Variants in TRDN observed in about 807,000 individuals in gnomAD.
TRDN encodes the protein triadin, also known as triadin in skeletal muscle.
TRDN carries 161 observed loss-of-function variants against 149.7 expected under a neutral mutation model. The observed-to-expected ratio is 1.08, with a 90% CI of 0.95 to 1.23. TRDN has a LOEUF of 1.23. Ranked by LOEUF, TRDN falls within the 50% of genes most tolerant of loss-of-function variation. The pLI is 0.00. For synonymous variants in TRDN, 294 were observed against 250.5 expected (o/e 1.17, Z -1.64); for missense variants, 896 against 823.5 (o/e 1.09, Z -1.08).
intron 37 of TRDN, among the ~76,000 whole-genome samples, chr6:123,252,914 T>C (rs920065007): frequency 1.4e-4 from 21 of 152,162 alleles, no homozygotes; most frequent in Admixed American, 1.4e-3. Context: ...AAGATCTTTG[T>C]TAAATTAAGA....
chr6:123,262,687 G>A (rs1367033602), intron 33 of TRDN, among the ~76,000 whole-genome samples: 1 of 151,944 alleles, frequency 6.6e-6, no homozygotes, highest in South Asian at 2.1e-4. Context: ...TTTTCCAATG[G>A]CGTTTGCTTC....
At chr6:123,386,954 GC>G (rs1031352844) in intron 14 of TRDN, among the ~76,000 whole-genome samples, 37 of 152,212 alleles carry the variant, frequency 2.4e-4, no homozygotes, top group African/African-American at 7.5e-4. Flanking sequence ...TCATGACCTT[GC>G]CTTGATGTAC....
intron 20 of TRDN, among the ~76,000 whole-genome samples, chr6:123,365,135 G>A (rs2114354082): frequency 6.6e-6 from 1 of 152,214 alleles, no homozygotes; most frequent in South Asian, 2.1e-4. Context: ...CCTATCTACT[G>A]TAAATTCAGA....
intron 9 of TRDN, among the ~76,000 whole-genome samples, chr6:123,466,943 CTTA>C (rs1286706538): frequency 6.6e-6 from 1 of 151,818 alleles, no homozygotes; most frequent in East Asian, 1.9e-4. Flanking sequence ...TATTGAGGAA[CTTA>C]TTATACTATA....
At chr6:123,585,710 C>T (rs1047689083) in intron 1 of TRDN, among the ~76,000 whole-genome samples, 4 of 152,024 alleles carry the variant, frequency 2.6e-5, no homozygotes, top group Non-Finnish European at 4.4e-5. Context: ...TCCTGGGCTG[C>T]AGGCATTCCT....
At chr6:123,467,467 T>C (rs138170249) in intron 9 of TRDN, among the ~76,000 whole-genome samples, 2 of 152,106 alleles carry the variant, frequency 1.3e-5, no homozygotes, top group East Asian at 3.9e-4. Flanking sequence ...CTAACATGGC[T>C]GATGGCATGG....
chr6:123,292,751 C>A (rs1778054364), intron 24 of TRDN, among the ~76,000 whole-genome samples: 1 of 152,118 alleles, frequency 6.6e-6, no homozygotes, highest in South Asian at 2.1e-4. Context: ...GTCACAGCTA[C>A]AAAAGGGGGA....
At chr6:123,625,735 G>T (rs1450117251) in intron 1 of TRDN, among the ~76,000 whole-genome samples, 1 of 152,040 alleles carries the variant, frequency 6.6e-6, no homozygotes, top group Non-Finnish European at 1.5e-5. Context: ...CACCTACTCT[G>T]AGCCAACAAG....
intron 20 of TRDN, among the ~76,000 whole-genome samples, chr6:123,364,719 G>A (rs1582921900): frequency 6.6e-6 from 1 of 152,112 alleles, no homozygotes; most frequent in African/African-American, 2.4e-5. Context: ...ACATCTTGTT[G>A]CTTTTAGCTT....
At chr6:123,400,264 T>TA (rs2114482089) in intron 12 of TRDN, among the ~76,000 whole-genome samples, 1 of 150,620 alleles carries the variant, frequency 6.6e-6, no homozygotes, top group South Asian at 2.1e-4. Flanking sequence ...CAGTTAAAAT[T>TA]TCAATTTTAA....
At chr6:123,584,980 G>A (rs140030451) in intron 1 of TRDN, among the ~76,000 whole-genome samples, 40 of 152,204 alleles carry the variant, frequency 2.6e-4, no homozygotes, top group African/African-American at 9.6e-4. Flanking sequence ...TGGCCATGCT[G>A]TAGCAGGCAA....
intron 1 of TRDN, among the ~76,000 whole-genome samples, chr6:123,600,308 C>T (rs557354734): frequency 1.3e-5 from 2 of 152,152 alleles, no homozygotes; most frequent in African/African-American, 4.8e-5. Context: ...GCTCTCCCTT[C>T]CCTTAAGCTA....
At chr6:123,423,950 A>G (rs190527536) in intron 12 of TRDN, among the ~76,000 whole-genome samples, 2 of 152,262 alleles carry the variant, frequency 1.3e-5, no homozygotes, top group Admixed American at 6.5e-5. Flanking sequence ...TCATGGGGAA[A>G]GTGACAGGTG....
At chr6:123,256,659 G>T (rs1776573574) in intron 35 of TRDN, among the ~76,000 whole-genome samples, 1 of 151,264 alleles carries the variant, frequency 6.6e-6, no homozygotes, top group East Asian at 1.9e-4. Context: ...TTTTGATGGG[G>T]TTGTGTGTTT....
At chr6:123,364,439 C>A (rs1477899197) in intron 20 of TRDN, among the ~76,000 whole-genome samples, 6 of 152,122 alleles carry the variant, frequency 3.9e-5, no homozygotes, top group Non-Finnish European at 8.8e-5. Context: ...GAGATTGAGA[C>A]CACCCTGGCC....
chr6:123,448,165 G>T (rs1447356418), intron 10 of TRDN, among the ~76,000 whole-genome samples: 2 of 152,116 alleles, frequency 1.3e-5, no homozygotes, highest in African/African-American at 4.8e-5. Context: ...AAGAGCAGGG[G>T]GTAAAACCAC....
intron 9 of TRDN, among the ~76,000 whole-genome samples, chr6:123,469,173 A>G (rs1273894285): frequency 6.6e-6 from 1 of 152,196 alleles, no homozygotes; most frequent in Non-Finnish European, 1.5e-5. Flanking sequence ...CTTTTGTAAG[A>G]TGTGGAATAT....
chr6:123,334,548 C>T (rs1280417430), intron 22 of TRDN, among the ~76,000 whole-genome samples: 1 of 151,944 alleles, frequency 6.6e-6, no homozygotes, highest in African/African-American at 2.4e-5. Context: ...TATCATGGGT[C>T]ACTAACAGGA....
At chr6:123,558,967 T>C (rs1781827201) in intron 2 of TRDN, among the ~76,000 whole-genome samples, 1 of 152,222 alleles carries the variant, frequency 6.6e-6, no homozygotes, top group African/African-American at 2.4e-5. Context: ...CCAGGATTCC[T>C]CCTAAGCAGT....
Sources: allele counts gnomAD v4.1 joint callset (sites outside exome capture counted in the v4.1 genomes callset), GRCh38; gene constraint gnomAD v4.1.1; transcripts MANE v1.5; gene names NCBI Gene and HGNC (gene_info 2026-07-23, HGNC 2026-07-21).